FRY: variants seen among roughly 807,000 people sequenced by gnomAD.
FRY encodes the protein protein furry homolog.
In FRY, 128 loss-of-function variants were observed where a neutral mutation model predicts 348.4. That is an observed-to-expected ratio of 0.37 (90% CI 0.32 to 0.43). The LOEUF (loss-of-function observed/expected upper bound fraction) is 0.43. Among genes scored for constraint, FRY ranks in the 20% least tolerant of loss-of-function variants. The pLI, the probability that FRY is intolerant of heterozygous loss-of-function variation, is 1.00. For missense variants in FRY, 2,736 were observed against 3,695.2 expected, an observed-to-expected ratio of 0.74 and a Z score of 6.73; for synonymous variants, 1,370 against 1,374.7, an observed-to-expected ratio of 1.00 and a Z score of 0.08.
At position 32,251,907 on chromosome 13, in the gene FRY, C is replaced by G. The variant is rs1285973235; in HGVS notation, c.7200C>G (p.Val2400=). 3 of 1,612,872 alleles carry G rather than the reference C, an allele frequency of 1.9e-6. No homozygotes were observed. The highest frequency in any genetic ancestry group is 1.1e-5 in the South Asian group (1 of 91,054). The part of the protein sequence containing the change: ...QKRTKEKLVH[V]LSLCGQEVGL... ...GAACAAAAGAGAAGTTGGTACATGT[C>G]CTTTCTCTGTGTGGCCAAGAAGTAG... is the stretch of plus-strand genomic sequence containing the variant. The change falls in exon 50 of 61, where the codon GTC becomes GTG. Residue 2400 remains valine, a synonymous_variant. Transcript: ENST00000542859.
In FRY at chr13:32,046,297, T is replaced by C. The variant is rs182474049; in HGVS notation, c.70+14432T>C. ...TGACAACTCAGCTGATTTATTCAGCTCTGTGTTTTCCTGAAGTTCTTGCTA... is the reference window on the plus strand; with the variant it reads ...TGACAACTCAGCTGATTTATTCAGCCCTGTGTTTTCCTGAAGTTCTTGCTA... On this transcript the variant is annotated intron_variant, in intron 1 of 60. Transcript: ENST00000542859. Among the ~76,000 whole-genome samples, 433 of 152,322 alleles carry C rather than the reference T, an allele frequency of 2.8e-3. 2 individuals are homozygous for C. The highest frequency in any genetic ancestry group is 4.9e-3 in the Non-Finnish European group (335 of 68,020).
intron 2 of FRY, among the ~76,000 whole-genome samples, chr13:32,091,617 C>T (rs1876316802): frequency 6.6e-6 from 1 of 152,186 alleles, no homozygotes; most frequent in Non-Finnish European, 1.5e-5. Flanking sequence ...GTCCACAGCT[C>T]TCTACTGTGA....
intron 48 of FRY, among the ~76,000 whole-genome samples, chr13:32,248,938 G>A (rs930926372): frequency 6.6e-6 from 1 of 152,176 alleles, no homozygotes; most frequent in African/African-American, 2.4e-5. Context: ...CCGAGGTCAA[G>A]CCCATGAGCT....
At position 32,278,527 on chromosome 13, in the gene FRY, A is replaced by G. The variant is rs1035522564; in HGVS notation, c.8448A>G (p.Gln2816=). ...GGSRDGVITC[Q]PGDSEEKQLE... is the part of the protein sequence containing the mutation. ...CAAGAGATGGAGTAATTACCTGTCA[A>G]CCAGGGGACTCCGAAGAAAAGGTAA... is the stretch of plus-strand genomic sequence containing the variant. Residue 2816 remains glutamine (Q), a synonymous_variant, in exon 58 of 61, where the codon CAA becomes CAG. Coordinates refer to ENST00000542859, the MANE Select transcript of FRY (RefSeq NM_023037.3). 32 of 1,581,014 alleles carry G rather than the reference A, an allele frequency of 2.0e-5. No individual in the cohort carries two copies. The highest frequency in any genetic ancestry group is 2.4e-5 in the Non-Finnish European group (28 of 1,150,048).
chr13:32,236,162 G>C lies in FRY; in HGVS notation c.5800G>C (p.Val1934Leu). The stretch of plus-strand genomic sequence containing the variant: ...CTTGAAGAACAGTGACCTCCTAACT[G>C]TATTGTCCCGGTGAGAATCAGCTTA... ...DCLKNSDLLT[V>L]LSRSSSPDLS... Residue 1934 changes from valine (V) to leucine (L), a missense_variant, in exon 43 of 61, where the codon GTA (valine) becomes CTA (leucine). Coordinates refer to ENST00000542859, the MANE Select transcript of FRY (RefSeq NM_023037.3). The C allele has an allele frequency of 6.2e-7, 1 of 1,610,584 alleles. No individual in the cohort carries two copies. The highest frequency in any genetic ancestry group is 8.5e-7 in the Non-Finnish European group (1 of 1,176,804).
rs116213893 is a variant in FRY, at chr13:32,283,436, A to G, written c.8469+4888A>G. Among the ~76,000 whole-genome samples the G allele has an allele frequency of 3.5e-3, 530 of 152,288 alleles. 3 individuals are homozygous for G. The highest frequency in any genetic ancestry group is 0.012 in the African/African-American group (507 of 41,552). ...ATTTCTCTGTACCTAAGTCCTCAAA[A>G]TGAAGAATAAAGCTAGATAGAAGGG... is the stretch of plus-strand genomic sequence containing the variant. On this transcript the variant is annotated intron_variant, in intron 58 of 60. Coordinates refer to ENST00000542859, the MANE Select transcript of FRY (RefSeq NM_023037.3).
intron 2 of FRY, among the ~76,000 whole-genome samples, chr13:32,093,302 T>A (rs929758840): frequency 6.6e-6 from 1 of 152,214 alleles, no homozygotes; most frequent in Non-Finnish European, 1.5e-5. Context: ...ATGAATGTCA[T>A]ATTTTCTTTT....
intron 29 of FRY, among the ~76,000 whole-genome samples, chr13:32,199,048 A>T (rs1681495373): frequency 6.6e-6 from 1 of 152,218 alleles, no homozygotes; most frequent in Non-Finnish European, 1.5e-5. Flanking sequence ...CAGGAAATAG[A>T]CTGAGATGGA....
intron 13 of FRY, among the ~76,000 whole-genome samples, chr13:32,148,402 G>A (rs1471594733): frequency 2.0e-5 from 3 of 152,180 alleles, no homozygotes; most frequent in Non-Finnish European, 1.5e-5. Context: ...AGGAATATTA[G>A]CATTTATCAA....
At chr13:32,245,512 G>A (rs1413065349) in intron 47 of FRY, among the ~76,000 whole-genome samples, 1 of 152,072 alleles carries the variant, frequency 6.6e-6, no homozygotes, top group African/African-American at 2.4e-5. Context: ...TACTTAGGAG[G>A]CTGGGGAGAG....
intron 58 of FRY, among the ~76,000 whole-genome samples, chr13:32,284,174 C>T (rs1377981625): frequency 1.3e-5 from 2 of 152,224 alleles, no homozygotes; most frequent in Non-Finnish European, 2.9e-5. Context: ...CTGAGCACTA[C>T]TTGAACATTT....
intron 55 of FRY, among the ~76,000 whole-genome samples, chr13:32,267,636 C>T (rs1481594452): frequency 6.6e-6 from 1 of 152,200 alleles, no homozygotes; most frequent in Non-Finnish European, 1.5e-5. Flanking sequence ...GCAGCCATGA[C>T]ATCAGGACCA....
At chr13:32,202,242 T>A in intron 30 of FRY, 114 bp from the exon 31 acceptor site, 1 of 905,710 alleles carries the variant, frequency 1.1e-6, no homozygotes, top group Non-Finnish European at 1.8e-6. Flanking sequence ...AATTCTATTT[T>A]TAAATGGGAA....
chr13:32,274,528 C>G (rs907706492), intron 55 of FRY, among the ~76,000 whole-genome samples: 1 of 151,506 alleles, frequency 6.6e-6, no homozygotes, highest in Admixed American at 6.6e-5. Flanking sequence ...CACAGTGAAA[C>G]CCCGTCTCTA....
At chr13:32,209,157 A>G in intron 32 of FRY, 48 bp downstream of exon 32, 1 of 1,609,248 alleles carries the variant, frequency 6.2e-7, no homozygotes. Flanking sequence ...CCATCATCAG[A>G]AAAAAACCCT....
At chr13:32,128,875 T>A (rs1323966) in intron 7 of FRY, among the ~76,000 whole-genome samples, 7,343 of 152,350 alleles carry the variant, frequency 0.048, 178 homozygotes, top group Middle Eastern at 0.078. Context: ...AATTACGGAT[T>A]CAGTAGGTGT....
intron 28 of FRY, among the ~76,000 whole-genome samples, chr13:32,192,976 C>G (rs564149196): frequency 5.3e-5 from 8 of 151,986 alleles, no homozygotes; most frequent in Non-Finnish European, 1.2e-4. Flanking sequence ...CTCCTGACCT[C>G]AAGTGATGCG....
chr13:32,174,536 C>A (rs1490449686), intron 19 of FRY, among the ~76,000 whole-genome samples: 1 of 151,996 alleles, frequency 6.6e-6, no homozygotes, highest in Non-Finnish European at 1.5e-5. Context: ...GGTTATTATC[C>A]CATTGTACAG....
At chr13:32,222,304 G>C (rs1200823420) in intron 36 of FRY, among the ~76,000 whole-genome samples, 4 of 152,154 alleles carry the variant, frequency 2.6e-5, no homozygotes, top group African/African-American at 7.2e-5. Flanking sequence ...AGAGGAACAT[G>C]GAGGGGGAAG....
Sources: gnomAD v4.1 joint callset for allele counts (sites outside exome capture counted in the v4.1 genomes callset) on GRCh38, gnomAD v4.1.1 for gene constraint, MANE v1.5 for transcripts, NCBI Gene and HGNC (gene_info 2026-07-23, HGNC 2026-07-21) for gene names.